The following PLXNA4 variants were observed in gnomAD, a reference collection of about 807,000 sequenced individuals.
The protein encoded by PLXNA4 is plexin A4.
A neutral mutation model predicts 191.8 loss-of-function variants in PLXNA4; 44 were observed. That is an observed-to-expected ratio of 0.23 (90% confidence interval 0.18 to 0.29). The LOEUF (loss-of-function observed/expected upper bound fraction) is 0.29. PLXNA4 is among the 10% of genes least tolerant of loss of function. The pLI, the probability that PLXNA4 is intolerant of heterozygous loss-of-function variation, is 1.00. For missense variants in PLXNA4, 1,800 were observed against 2,488.8 expected (o/e 0.72, Z 5.89); for synonymous variants, 1,082 against 1,009.5 (o/e 1.07, Z -1.36).
At chr7:132,148,762 G>C (rs1795508379) in intron 25 of PLXNA4, 116 bp from the exon 26 acceptor site, 4 of 1,443,292 alleles carry the variant, frequency 2.8e-6, no homozygotes, top group Non-Finnish European at 3.7e-6. Context: ...CATTGCAAGT[G>C]CTAGCACATG....
intron 1 of PLXNA4, among the ~76,000 whole-genome samples, chr7:132,561,352 T>A (rs1585338299): frequency 7.0e-6 from 1 of 142,966 alleles, no homozygotes; most frequent in Admixed American, 6.9e-5. Flanking sequence ...CTCCTCCTCT[T>A]CCTCTCCCTC....
chr7:132,545,496 C>A (rs1585310161), intron 1 of PLXNA4, among the ~76,000 whole-genome samples: 1 of 152,278 alleles, frequency 6.6e-6, no homozygotes, highest in South Asian at 2.1e-4. Context: ...GAAAAACAAG[C>A]CAGGCATCAC....
At chr7:132,324,657 T>C (rs1342976072) in intron 3 of PLXNA4, among the ~76,000 whole-genome samples, 1 of 152,096 alleles carries the variant, frequency 6.6e-6, no homozygotes, top group Admixed American at 6.5e-5. Context: ...GGAATGAGGG[T>C]CGGCTATTAA....
intron 3 of PLXNA4, among the ~76,000 whole-genome samples, chr7:132,471,127 G>A (rs1796918386): frequency 6.6e-6 from 1 of 152,088 alleles, no homozygotes; most frequent in Admixed American, 6.6e-5. Context: ...TTGTTTAAAG[G>A]TGTGTGGCAC....
At chr7:132,484,531 G>A (rs1457085710) in intron 3 of PLXNA4, among the ~76,000 whole-genome samples, 1 of 152,190 alleles carries the variant, frequency 6.6e-6, no homozygotes, top group Non-Finnish European at 1.5e-5. Context: ...CATGGAAATC[G>A]GTCAGCCCTG....
chr7:132,327,083 A>T (rs55917663), intron 3 of PLXNA4, among the ~76,000 whole-genome samples: 1 of 147,972 alleles, frequency 6.8e-6, no homozygotes, highest in Non-Finnish European at 1.5e-5. Flanking sequence ...GAAAGGAGGG[A>T]GGGTAGGAAG....
At chr7:132,139,893 A>C (rs1230464020) in intron 30 of PLXNA4, among the ~76,000 whole-genome samples, 2 of 152,234 alleles carry the variant, frequency 1.3e-5, no homozygotes, top group African/African-American at 4.8e-5. Context: ...GAATAAATAA[A>C]GCTTCAGCTG....
intron 2 of PLXNA4, among the ~76,000 whole-genome samples, chr7:132,592,173 G>T (rs1802614611): frequency 6.6e-6 from 1 of 152,170 alleles, no homozygotes; most frequent in African/African-American, 2.4e-5. Flanking sequence ...CCTCCCATTA[G>T]CATGGACAAA....
chr7:132,193,946 G>A, intron 14 of PLXNA4, 116 bp downstream of exon 14: 1 of 1,343,280 alleles, frequency 7.4e-7, no homozygotes, highest in Non-Finnish European at 1.0e-6. Context: ...ACTGAGGGAG[G>A]TTGCAGGGCA....
At chr7:132,507,074 T>TA (rs1218262009) in intron 2 of PLXNA4, among the ~76,000 whole-genome samples, 8 of 152,154 alleles carry the variant, frequency 5.3e-5, no homozygotes, top group African/African-American at 1.9e-4. Context: ...CCTTCTACCA[T>TA]ATGGTTTTTA....
intron 3 of PLXNA4, among the ~76,000 whole-genome samples, chr7:132,399,918 C>T (rs1198541138): frequency 6.6e-6 from 1 of 151,992 alleles, no homozygotes; most frequent in Admixed American, 6.6e-5. Flanking sequence ...GTGTAACTAA[C>T]AATCCAATCG....
intron 7 of PLXNA4, 138 bp downstream of exon 7, chr7:132,227,313 C>A: frequency 1.7e-6 from 2 of 1,187,458 alleles, no homozygotes; most frequent in Non-Finnish European, 2.4e-6. Flanking sequence ...CTTCCCATAA[C>A]ACACCCACCA....
intron 1 of PLXNA4, among the ~76,000 whole-genome samples, chr7:132,646,593 C>G (rs1803874662): frequency 6.6e-6 from 1 of 152,138 alleles, no homozygotes; most frequent in Non-Finnish European, 1.5e-5. Flanking sequence ...CATGTGCAAG[C>G]CAGCAAGAGG....
chr7:132,255,689 C>T (rs1335295825), intron 4 of PLXNA4, among the ~76,000 whole-genome samples: 1 of 152,136 alleles, frequency 6.6e-6, no homozygotes, highest in Non-Finnish European at 1.5e-5. Flanking sequence ...TGGGTGATGC[C>T]CTGTGATCCC....
intron 18 of PLXNA4, 117 bp from the exon 19 acceptor site, chr7:132,180,849 A>G: frequency 1.4e-6 from 2 of 1,470,602 alleles, no homozygotes; most frequent in South Asian, 2.8e-5. Flanking sequence ...TGAAGAAGCC[A>G]CCTTTGGTAA....
Position 132,507,726 on chromosome 7 carries a change from C to T in PLXNA4, c.968G>A (p.Gly323Asp). 3.7e-6 allele frequency: 6 copies of T among 1,614,180 alleles called. No homozygotes were observed. The highest frequency in any genetic ancestry group is 4.2e-6 in the Non-Finnish European group (5 of 1,180,042). Residue 323 changes from glycine to aspartate, a missense_variant, in exon 2 of 32, where the codon GGC becomes GAC. Around this residue, in one of 6 missense-constraint regions of PLXNA4, gnomAD observed 1,397 missense variants for 1,880.4 expected, o/e 0.74. Coordinates refer to ENST00000321063, the MANE Select transcript of PLXNA4 (RefSeq NM_020911.2). ...ATCTGGATGGACTCCAAGGGTCCTG[C>T]CAAGCACGGCCCCCGCTTTGGACAG... ...AYLSKAGAVL[G>D]RTLGVHPDDD...
At chr7:132,599,416 T>C (rs1331563742) in intron 2 of PLXNA4, among the ~76,000 whole-genome samples, 1 of 152,246 alleles carries the variant, frequency 6.6e-6, no homozygotes, top group Non-Finnish European at 1.5e-5. Context: ...CTTTATTACA[T>C]ATTAACTTTT....
intron 3 of PLXNA4, among the ~76,000 whole-genome samples, chr7:132,378,259 C>T (rs989239230): frequency 1.6e-4 from 24 of 152,194 alleles, no homozygotes; most frequent in Middle Eastern, 3.4e-3. Flanking sequence ...GTTCTCAAGT[C>T]GTGGAAATAG....
chr7:132,496,770 G>C (rs1368059098), intron 2 of PLXNA4, among the ~76,000 whole-genome samples: 1 of 152,116 alleles, frequency 6.6e-6, no homozygotes, highest in Non-Finnish European at 1.5e-5. Flanking sequence ...ATCTATTCCA[G>C]GATCAGAGGA....
Sources: gnomAD v4.1 joint callset for allele counts (sites outside exome capture counted in the v4.1 genomes callset) on GRCh38, gnomAD v4.1.1 for gene constraint, gnomAD v4.1.1 regional missense constraint, MANE v1.5 for transcripts, NCBI Gene and HGNC (gene_info 2026-07-23, HGNC 2026-07-21) for gene names.